CPD: variants seen among roughly 807,000 people sequenced by gnomAD.
CPD encodes metallocarboxypeptidase D.
A neutral mutation model predicts 138.3 loss-of-function variants in CPD; 69 were observed. The ratio of observed to expected loss-of-function variants is 0.50; its 90% CI spans 0.41 to 0.61. CPD has a LOEUF of 0.61. CPD is among the 20% of genes least tolerant of loss of function. CPD has a pLI of 0.00. For missense variants in CPD, 1,432 were observed against 1,733.3 expected, an observed-to-expected ratio of 0.83 and a Z score of 3.09; for synonymous variants, 651 against 642.1, an observed-to-expected ratio of 1.01 and a Z score of -0.21.
chr17:30,456,547 T>G (rs1207831546), intron 17 of CPD, 21 bp downstream of exon 17: 1 of 1,611,424 alleles, frequency 6.2e-7, no homozygotes, highest in Admixed American at 1.7e-5. Flanking sequence ...TAGAACATGG[T>G]TAGAATGGAG....
intron 1 of CPD, 72 bp from the exon 2 acceptor site, chr17:30,384,917 T>C: frequency 6.6e-7 from 1 of 1,520,158 alleles, no homozygotes; most frequent in African/African-American, 1.4e-5. Flanking sequence ...TAAAAGATTT[T>C]GTGGAATTTT....
chr17:30,450,452 A>C (rs1240502724), intron 13 of CPD, among the ~76,000 whole-genome samples: 1 of 152,218 alleles, frequency 6.6e-6, no homozygotes, highest in Non-Finnish European at 1.5e-5. Flanking sequence ...CTAGTTTTTC[A>C]GTATAGTTTT....
At chr17:30,455,605 G>T in intron 15 of CPD, 135 bp downstream of exon 15, 1 of 924,830 alleles carries the variant, frequency 1.1e-6, no homozygotes, top group East Asian at 2.7e-5. Context: ...AACCAAAGAA[G>T]ATTGTACATA....
chr17:30,437,328 G>C (rs1912728763), intron 8 of CPD, among the ~76,000 whole-genome samples: 2 of 152,052 alleles, frequency 1.3e-5, no homozygotes, highest in Admixed American at 1.3e-4. Flanking sequence ...AAAACCTAAA[G>C]AAGACTGAGG....
chr17:30,392,479 G>A (rs1219633027), intron 2 of CPD, among the ~76,000 whole-genome samples: 1 of 151,598 alleles, frequency 6.6e-6, no homozygotes, highest in Non-Finnish European at 1.5e-5. Flanking sequence ...TTTTAGTTGT[G>A]TATGTACATT....
intron 8 of CPD, among the ~76,000 whole-genome samples, chr17:30,438,325 C>G (rs1314843054): frequency 6.6e-6 from 1 of 152,076 alleles, no homozygotes; most frequent in Non-Finnish European, 1.5e-5. Context: ...TAATCTTTCT[C>G]TCCTCTTGCT....
At chr17:30,442,903 A>G (rs1223787496) in intron 10 of CPD, among the ~76,000 whole-genome samples, 1 of 152,142 alleles carries the variant, frequency 6.6e-6, no homozygotes, top group Non-Finnish European at 1.5e-5. Context: ...GGTAAAGATT[A>G]TAAGAAATAT....
At chr17:30,451,954 G>T in intron 14 of CPD, 108 bp downstream of exon 14, 3 of 1,068,862 alleles carry the variant, frequency 2.8e-6, no homozygotes, top group Non-Finnish European at 1.3e-6. Flanking sequence ...TTTCTTGTCT[G>T]GGTTATGAAT....
Position 30,390,990 on chromosome 17 carries a change from C to T in CPD, c.994+5754C>T, listed in dbSNP as rs191179043. On this transcript the variant is annotated intron_variant, in intron 2 of 20. Transcript: ENST00000225719. Reference sequence around the variant, plus strand: ...GGTTACGGGCATGTACCACCATGCCCGGCTAATTTTTGTATTTTTAGTAGA... The same window carrying T: ...GGTTACGGGCATGTACCACCATGCCTGGCTAATTTTTGTATTTTTAGTAGA... 1.2e-3 allele frequency among the ~76,000 whole-genome samples: 175 copies of T among 151,860 alleles called. 1 individual carries two copies. Among genetic ancestry groups the T allele is most frequent in the Admixed American group, 4.3e-3 (65 of 15,238 alleles).
Position 30,469,348 on chromosome 17 carries a change from A to G in CPD, c.*4534A>G, listed in dbSNP as rs1023842939. The G allele has an allele frequency of 1.3e-5, 2 of 152,226 alleles. No homozygotes were observed. Among genetic ancestry groups the G allele is most frequent in the African/African-American group, 2.4e-5 (1 of 41,466 alleles). The allele number at this position is 152,226 out of a possible 1,614,324, so 9.4% of individuals were successfully genotyped here. ...TCTGTGACTGATTCTTCGTTCTGCTACTTGCTTCCAATGTGACCTTGTACA... is the reference window on the plus strand; with the variant it reads ...TCTGTGACTGATTCTTCGTTCTGCTGCTTGCTTCCAATGTGACCTTGTACA... On this transcript the variant is annotated 3_prime_UTR_variant, in exon 21 of 21. Transcript: ENST00000225719.
intron 2 of CPD, among the ~76,000 whole-genome samples, chr17:30,399,503 G>A (rs1911596283): frequency 6.6e-6 from 1 of 152,028 alleles, no homozygotes; most frequent in African/African-American, 2.4e-5. Flanking sequence ...ATTGTTGCAT[G>A]CACATCTAGA....
intron 1 of CPD, among the ~76,000 whole-genome samples, chr17:30,382,988 A>T (rs781469577): frequency 3.5e-4 from 54 of 152,240 alleles, no homozygotes; most frequent in Non-Finnish European, 8.8e-5. Flanking sequence ...CAGCCTTCTT[A>T]TAACTTTCCC....
At chr17:30,457,529 T>C (rs1913332336) in intron 17 of CPD, among the ~76,000 whole-genome samples, 1 of 152,226 alleles carries the variant, frequency 6.6e-6, no homozygotes, top group Non-Finnish European at 1.5e-5. Context: ...CTGGTTATAT[T>C]GTAAGTCTAT....
At chr17:30,406,731 A>G (rs1911808236) in intron 2 of CPD, among the ~76,000 whole-genome samples, 1 of 152,168 alleles carries the variant, frequency 6.6e-6, no homozygotes, top group African/African-American at 2.4e-5. Context: ...ATGTTTGCAA[A>G]TTAACACAGC....
intron 2 of CPD, among the ~76,000 whole-genome samples, chr17:30,415,471 A>T (rs2143396327): frequency 6.6e-6 from 1 of 152,252 alleles, no homozygotes; most frequent in Middle Eastern, 3.4e-3. Flanking sequence ...GGAAAAAAAT[A>T]TTTTTTTCTT....
chr17:30,462,162 G>A, intron 19 of CPD, 100 bp downstream of exon 19: 1 of 1,208,534 alleles, frequency 8.3e-7, no homozygotes. Flanking sequence ...AGGGAATAAA[G>A]AAATTAAAAG....
intron 1 of CPD, among the ~76,000 whole-genome samples, chr17:30,383,293 C>G (rs1911098844): frequency 6.6e-6 from 1 of 152,160 alleles, no homozygotes; most frequent in African/African-American, 2.4e-5. Flanking sequence ...GATTATGTTT[C>G]ATGTGTGTTA....
At chr17:30,446,141 G>C in intron 12 of CPD, 121 bp downstream of exon 12, 1 of 689,198 alleles carries the variant, frequency 1.5e-6, no homozygotes, top group South Asian at 2.2e-5. Flanking sequence ...GAGAGTTGGA[G>C]TTTACTTATT....
chr17:30,384,979 A>G lies in CPD; in HGVS notation c.747-10A>G. The G allele has an allele frequency of 6.2e-7, 1 of 1,606,960 alleles. No individual in the cohort carries two copies. ...TTTTAGTGATACGTGATTTGGTTGTATTTTCAAAGGTTTGTGCTTTCTGGA... is the reference window on the plus strand; with the variant it reads ...TTTTAGTGATACGTGATTTGGTTGTGTTTTCAAAGGTTTGTGCTTTCTGGA... On this transcript the variant is annotated splice_polypyrimidine_tract_variant and intron_variant, in intron 1 of 20. Transcript: ENST00000225719.
Sources: allele counts gnomAD v4.1 joint callset (sites outside exome capture counted in the v4.1 genomes callset), GRCh38; gene constraint gnomAD v4.1.1; transcripts MANE v1.5; gene names NCBI Gene and HGNC (gene_info 2026-07-23, HGNC 2026-07-21).